The following CHD9 variants were observed in gnomAD, a reference collection of about 807,000 sequenced individuals.
CHD9 encodes chromodomain helicase DNA binding protein 9, also known as ATP-dependent chromatin remodeler CHD9.
In CHD9, 77 loss-of-function variants were observed where a neutral mutation model predicts 316.1. That is an observed-to-expected ratio of 0.24 (90% CI 0.20 to 0.29). The LOEUF (loss-of-function observed/expected upper bound fraction) is 0.29, where lower values mean the gene tolerates loss of function less well. Among genes scored for constraint, CHD9 ranks in the 10% least tolerant of loss-of-function variants. CHD9 has a pLI of 1.00. For missense variants in CHD9, 2,763 were observed against 3,438.1 expected, an observed-to-expected ratio of 0.80 and a Z score of 4.91; for synonymous variants, 1,129 against 1,158.3, an observed-to-expected ratio of 0.97 and a Z score of 0.51.
intron 31 of CHD9, among the ~76,000 whole-genome samples, chr16:53,305,942 A>G (rs1312814821): frequency 6.6e-6 from 1 of 152,188 alleles, no homozygotes; most frequent in Non-Finnish European, 1.5e-5. Context: ...ATAGTGAGTA[A>G]TGAAGTCAGG....
At chr16:53,261,238 A>G (rs1324174236) in intron 19 of CHD9, among the ~76,000 whole-genome samples, 1 of 152,044 alleles carries the variant, frequency 6.6e-6, no homozygotes, top group Admixed American at 6.6e-5. Context: ...CTTAAAAGCC[A>G]AACCTCAAAA....
At chr16:53,099,202 G>C (rs2036629328) in intron 1 of CHD9, 1 of 152,314 alleles carries the variant, frequency 6.6e-6, no homozygotes, top group Non-Finnish European at 1.5e-5. Flanking sequence ...TGCTGTTCCA[G>C]CAACAGCAGC....
chr16:53,202,502 G>A (rs376577979), intron 2 of CHD9, among the ~76,000 whole-genome samples: 4 of 151,584 alleles, frequency 2.6e-5, no homozygotes, highest in African/African-American at 9.7e-5. Context: ...TGAAGAAATA[G>A]AGTCCTTTGT....
intron 1 of CHD9, among the ~76,000 whole-genome samples, chr16:53,083,260 C>T (rs2035186125): frequency 6.6e-6 from 1 of 152,184 alleles, no homozygotes; most frequent in Non-Finnish European, 1.5e-5. Context: ...CAAACACACC[C>T]CCAGACATTC....
rs2056760101 is a variant in CHD9, at chr16:53,314,862, A to G, written c.7402A>G (p.Ile2468Val). Residue 2468 changes from isoleucine (I) to valine (V), a missense_variant, in exon 36 of 39, where the codon ATA becomes GTA. Coordinates refer to ENST00000447540, the MANE Select transcript of CHD9 (RefSeq NM_001308319.2). ...AACCTCCTCACAGATTTCCACAGGG[A>G]TAAATCCAGCACTATCCTATACTCA... Reference protein sequence around the residue: ...GLTSSQISTGINPALSYTQPQ... With the variant: ...GLTSSQISTGVNPALSYTQPQ... 1.2e-6 allele frequency: 2 copies of G among 1,613,648 alleles called. No individual in the cohort carries two copies. Among genetic ancestry groups the G allele is most frequent in the Non-Finnish European group, 1.7e-6 (2 of 1,179,774 alleles).
rs929422071 is a variant in CHD9, at chr16:53,245,534, T to C, written c.3198+55T>C. ...ATCGCATTTCTAATCATTGTAATTA[T>C]TTTGTATGTGTAATTAAATGCTCAC... is the stretch of plus-strand genomic sequence containing the variant. On this transcript the variant is annotated intron_variant, in intron 14 of 38. Coordinates refer to ENST00000447540, the MANE Select transcript of CHD9 (RefSeq NM_001308319.2). The surrounding 1 kb of genome is among the most constrained non-coding windows in gnomAD (Gnocchi z 4.1). 6.5e-7 allele frequency: 1 copy of C among 1,536,942 alleles called. No homozygotes were observed. The highest frequency in any genetic ancestry group is 1.4e-5 in the African/African-American group (1 of 71,926).
chr16:53,291,706 T>C lies in CHD9; in HGVS notation c.5248-19T>C. 6.5e-7 allele frequency: 1 copy of C among 1,543,462 alleles called. No homozygotes were observed. The highest frequency in any genetic ancestry group is 8.7e-7 in the Non-Finnish European group (1 of 1,149,636). On this transcript the variant is annotated intron_variant, in intron 27 of 38. Transcript: ENST00000447540. Reference sequence around the variant, plus strand: ...TTGACCCAATTACCCTGTGACAAGTTTCTATTTTCTTTTAAAAGGATGATG... The same window carrying C: ...TTGACCCAATTACCCTGTGACAAGTCTCTATTTTCTTTTAAAAGGATGATG...
rs568863590 is a variant in CHD9, at chr16:53,285,232, G to A, written c.4968-364G>A. On this transcript the variant is annotated intron_variant, in intron 24 of 38. Transcript: ENST00000447540. ...GCCTCAGTTTTCTCATGTGCGAAATGAAATAATTGAACCAGATGATTATTG... is the reference window on the plus strand; with the variant it reads ...GCCTCAGTTTTCTCATGTGCGAAATAAAATAATTGAACCAGATGATTATTG... Among the ~76,000 whole-genome samples the A allele has an allele frequency of 4.7e-4, 71 of 152,262 alleles. 2 individuals carry two copies. In the South Asian group the frequency reaches 0.013, roughly 28 times the overall value.
intron 1 of CHD9, among the ~76,000 whole-genome samples, chr16:53,073,989 G>A (rs973722463): frequency 1.4e-4 from 21 of 152,170 alleles, no homozygotes; most frequent in Admixed American, 6.5e-4. Flanking sequence ...AAGAAGACAC[G>A]AAAATGTGGG....
chr16:53,253,746 C>T (rs2050323698), intron 17 of CHD9, among the ~76,000 whole-genome samples: 1 of 152,004 alleles, frequency 6.6e-6, no homozygotes, highest in South Asian at 2.1e-4. Context: ...ATCTCTTGAG[C>T]CCAGGAGTTC....
intron 7 of CHD9, among the ~76,000 whole-genome samples, chr16:53,227,890 C>A (rs192211177): frequency 7.9e-5 from 12 of 151,996 alleles, no homozygotes; most frequent in African/African-American, 2.9e-4. Context: ...TCGAGACCAT[C>A]CTGGCCAACA....
chr16:53,206,540 C>T (rs2045912021), intron 2 of CHD9, among the ~76,000 whole-genome samples: 1 of 152,032 alleles, frequency 6.6e-6, no homozygotes, highest in African/African-American at 2.4e-5. Context: ...CTTTTAATCC[C>T]TGCTCCACTA....
intron 2 of CHD9, among the ~76,000 whole-genome samples, chr16:53,178,160 C>G (rs974619461): frequency 1.3e-5 from 2 of 152,088 alleles, no homozygotes; most frequent in African/African-American, 4.8e-5. Context: ...ATCCTTTTGA[C>G]CCCAGGAGGA....
rs544787883 is a variant in CHD9 at position 53,239,364 on chromosome 16, T to G, written c.2877+778T>G. 3.3e-3 allele frequency among the ~76,000 whole-genome samples: 505 copies of G among 152,092 alleles called. 1 individual carries two copies. The highest frequency in any genetic ancestry group is 5.3e-3 in the Non-Finnish European group (357 of 67,946). ...CTTTGGGAGGCCGAGGTGGGAGGATTGCTTGAGGCCAGGAGTTCCAGACCA... is the reference window on the plus strand; with the variant it reads ...CTTTGGGAGGCCGAGGTGGGAGGATGGCTTGAGGCCAGGAGTTCCAGACCA... On this transcript the variant is annotated intron_variant, in intron 12 of 38. Transcript: ENST00000447540.
At chr16:53,228,398 A>G (rs1401035577) in intron 7 of CHD9, among the ~76,000 whole-genome samples, 1 of 152,018 alleles carries the variant, frequency 6.6e-6, no homozygotes, top group Non-Finnish European at 1.5e-5. Flanking sequence ...AGACGCACAC[A>G]ATGAGATGAT....
intron 4 of CHD9, among the ~76,000 whole-genome samples, chr16:53,226,156 G>A (rs2047634750): frequency 1.3e-5 from 2 of 151,962 alleles, no homozygotes. Context: ...GTTTGAAATT[G>A]TAGGAAGTAG....
At chr16:53,181,185 A>G (rs2043485542) in intron 2 of CHD9, among the ~76,000 whole-genome samples, 1 of 151,792 alleles carries the variant, frequency 6.6e-6, no homozygotes, top group African/African-American at 2.4e-5. Flanking sequence ...TAATTTTTGT[A>G]TTTTTAGTAG....
At chr16:53,133,769 G>A (rs2039510576) in intron 1 of CHD9, among the ~76,000 whole-genome samples, 1 of 152,286 alleles carries the variant, frequency 6.6e-6, no homozygotes, top group African/African-American at 2.4e-5. Context: ...CAACTTGGAA[G>A]TATCTTTAGA....
At chr16:53,064,541 G>T (rs1281791287) in intron 1 of CHD9, among the ~76,000 whole-genome samples, 1 of 152,142 alleles carries the variant, frequency 6.6e-6, no homozygotes, top group Non-Finnish European at 1.5e-5. Context: ...CAGTACAGTG[G>T]GCTGGAGGCT....
Sources: allele counts gnomAD v4.1 joint callset (sites outside exome capture counted in the v4.1 genomes callset), GRCh38; gene constraint gnomAD v4.1.1; non-coding constraint Gnocchi (gnomAD v3.1); transcripts MANE v1.5; gene names NCBI Gene and HGNC (gene_info 2026-07-23, HGNC 2026-07-21).